The following PCBP3 variants were observed in gnomAD, a reference collection of about 807,000 sequenced individuals.
The protein encoded by PCBP3 is poly(rC)-binding protein 3.
A neutral mutation model predicts 52.7 loss-of-function variants in PCBP3; 25 were observed. The observed-to-expected ratio is 0.47, with a 90% CI of 0.35 to 0.66. The LOEUF (loss-of-function observed/expected upper bound fraction) is 0.66. Ranked by LOEUF, PCBP3 falls within the 30% of genes least tolerant of loss-of-function variation. The probability of loss-of-function intolerance (pLI) is 0.01; values close to 1 mark genes in which losing one functional copy is unlikely to be tolerated. For missense variants in PCBP3, 391 were observed against 490.3 expected (o/e 0.80, Z 1.91); for synonymous variants, 162 against 183.0 (o/e 0.89, Z 0.93).
At chr21:45,818,116 G>C (rs1165372435) in intron 4 of PCBP3, among the ~76,000 whole-genome samples, 1 of 152,046 alleles carries the variant, frequency 6.6e-6, no homozygotes, top group Non-Finnish European at 1.5e-5. Flanking sequence ...TCCACCTCCC[G>C]GGTTCACACC....
intron 4 of PCBP3, among the ~76,000 whole-genome samples, chr21:45,770,762 A>C (rs2089799994): frequency 6.6e-6 from 1 of 152,188 alleles, no homozygotes; most frequent in South Asian, 2.1e-4. Flanking sequence ...GGGGTGCTGA[A>C]AGGGGGCTTG....
intron 5 of PCBP3, among the ~76,000 whole-genome samples, chr21:45,873,786 G>A (rs763523877): frequency 2.0e-5 from 3 of 152,278 alleles, no homozygotes; most frequent in African/African-American, 4.8e-5. Flanking sequence ...TGTTGTTGTC[G>A]TTGGGTTTTC....
At chr21:45,719,702 C>G (rs999160603) in intron 2 of PCBP3, among the ~76,000 whole-genome samples, 6 of 152,144 alleles carry the variant, frequency 3.9e-5, no homozygotes, top group African/African-American at 1.2e-4. Context: ...TTTCCTGAGG[C>G]CTCCCCAGCA....
intron 1 of PCBP3, among the ~76,000 whole-genome samples, chr21:45,663,441 AG>A (rs1176383703): frequency 3.3e-5 from 5 of 152,062 alleles, no homozygotes; most frequent in African/African-American, 1.2e-4. Flanking sequence ...CTCTGTGCAT[AG>A]GGAGGAAAAC....
chr21:45,880,184 GT>G lies in PCBP3; in HGVS notation c.11-16023del. ...TTCCTCTGGCCTCTTCTGGGAGCTG[GT>G]GGATTTGCAAGTCACGGCCAGCCTT... On this transcript the variant is annotated intron_variant, in intron 5 of 17. Coordinates refer to ENST00000681687, the MANE Select transcript of PCBP3 (RefSeq NM_001384156.1). The surrounding 1 kb of genome is among the most constrained non-coding windows in gnomAD (Gnocchi z 5.4). Among the ~76,000 whole-genome samples the G allele has an allele frequency of 6.6e-6, 1 of 152,316 alleles. No individual in the cohort carries two copies. The highest frequency in any genetic ancestry group is 1.5e-5 in the Non-Finnish European group (1 of 68,032).
intron 4 of PCBP3, among the ~76,000 whole-genome samples, chr21:45,779,862 T>C (rs1200168252): frequency 6.6e-6 from 1 of 152,204 alleles, no homozygotes; most frequent in African/African-American, 2.4e-5. Flanking sequence ...AGTACTTGGT[T>C]TTATGACTTA....
chr21:45,654,421 G>A (rs1390849923), intron 1 of PCBP3, among the ~76,000 whole-genome samples: 1 of 144,940 alleles, frequency 6.9e-6, no homozygotes, highest in Non-Finnish European at 1.5e-5. Flanking sequence ...GCTCACTGCA[G>A]CCTCCACCTC....
rs760049803 is a variant in PCBP3 at position 45,737,736 on chromosome 21, G to T, written c.-162+2307G>T. On this transcript the variant is annotated intron_variant, in intron 3 of 17. Transcript: ENST00000681687. The surrounding 1 kb of genome is among the most constrained non-coding windows in gnomAD (Gnocchi z 4.9). ...CAGGGAACTTTTATAGGTACCTGTGGCCTCTTCTGCTGGTGGGAATGGAGG... is the reference window on the plus strand; with the variant it reads ...CAGGGAACTTTTATAGGTACCTGTGTCCTCTTCTGCTGGTGGGAATGGAGG... Among the ~76,000 whole-genome samples the T allele has an allele frequency of 3.3e-5, 5 of 152,272 alleles. No homozygotes were observed. The highest frequency in any genetic ancestry group is 9.6e-5 in the African/African-American group (4 of 41,558).
chr21:45,894,013 G>C, intron 5 of PCBP3: 1 of 985,578 alleles, frequency 1.0e-6, no homozygotes, highest in Non-Finnish European at 1.2e-6. Flanking sequence ...AGACGGCATG[G>C]ACGGGTAGGT....
At chr21:45,785,753 G>T (rs2091099207) in intron 4 of PCBP3, among the ~76,000 whole-genome samples, 1 of 151,558 alleles carries the variant, frequency 6.6e-6, no homozygotes, top group African/African-American at 2.4e-5. Flanking sequence ...GTAGAAAGAG[G>T]TAGACATGGG....
intron 17 of PCBP3, 127 bp from the exon 18 acceptor site, chr21:45,941,543 C>G (rs2149626500): frequency 1.4e-5 from 11 of 770,110 alleles, no homozygotes; most frequent in Non-Finnish European, 2.3e-5. Flanking sequence ...AGCTCAGGAC[C>G]TCCTGAGCTG....
chr21:45,787,594 A>T (rs2146282013), intron 4 of PCBP3, among the ~76,000 whole-genome samples: 1 of 152,068 alleles, frequency 6.6e-6, no homozygotes, highest in Middle Eastern at 3.4e-3. Context: ...TTGCTGCCTA[A>T]ATTATATGGT....
At chr21:45,659,399 T>C (rs1401396904) in intron 1 of PCBP3, among the ~76,000 whole-genome samples, 6 of 145,724 alleles carry the variant, frequency 4.1e-5, no homozygotes, top group Non-Finnish European at 7.5e-5. Context: ...CTAAAGTGCA[T>C]TGGTGCCATC....
rs992738574 is a variant in PCBP3, at chr21:45,837,083, A to G, written c.-125-12878A>G. Reference sequence around the variant, plus strand: ...TGCATCATAAAGTCTGTGAAAGGTGAACTTTCAGGAACTTTCAGGACCATG... The same window carrying G: ...TGCATCATAAAGTCTGTGAAAGGTGGACTTTCAGGAACTTTCAGGACCATG... On this transcript the variant is annotated intron_variant, in intron 4 of 17. Transcript: ENST00000681687. This position sits in a 1 kb window ranked among gnomAD's most constrained non-coding sequence, Gnocchi z 4.1. Among the ~76,000 whole-genome samples the G allele has an allele frequency of 2.0e-5, 3 of 152,206 alleles. No individual in the cohort carries two copies. Among genetic ancestry groups the G allele is most frequent in the Non-Finnish European group, 2.9e-5 (2 of 68,038 alleles).
At chr21:45,909,528 G>C (rs752573767) in intron 10 of PCBP3, 42 bp downstream of exon 10, 2 of 1,598,004 alleles carry the variant, frequency 1.3e-6, no homozygotes, top group Non-Finnish European at 1.7e-6. Flanking sequence ...GGAGCCTCTA[G>C]GCGGGCTGCG....
At chr21:45,876,134 G>T (rs1383455741) in intron 5 of PCBP3, among the ~76,000 whole-genome samples, 3 of 152,204 alleles carry the variant, frequency 2.0e-5, no homozygotes, top group Non-Finnish European at 4.4e-5. Flanking sequence ...GGCACCGATG[G>T]AGCGGTCAGG....
At chr21:45,835,732 G>A (rs1172058414) in intron 4 of PCBP3, among the ~76,000 whole-genome samples, 2 of 152,162 alleles carry the variant, frequency 1.3e-5, no homozygotes, top group Non-Finnish European at 2.9e-5. Context: ...TAGCAGATCA[G>A]CTTCTCCTGA....
intron 9 of PCBP3, among the ~76,000 whole-genome samples, 166 bp from the exon 10 acceptor site, chr21:45,909,189 C>A (rs112116908): frequency 6.6e-6 from 1 of 152,058 alleles, no homozygotes; most frequent in African/African-American, 2.4e-5. Flanking sequence ...ATTTCAGCGA[C>A]GTCTCCTGGT....
intron 2 of PCBP3, among the ~76,000 whole-genome samples, chr21:45,725,976 G>A (rs775086505): frequency 4.6e-5 from 7 of 152,166 alleles, no homozygotes; most frequent in Non-Finnish European, 1.0e-4. Context: ...GGACAGCATG[G>A]CCCCAGGCCC....
Sources: allele counts gnomAD v4.1 joint callset (sites outside exome capture counted in the v4.1 genomes callset), GRCh38; gene constraint gnomAD v4.1.1; non-coding constraint Gnocchi (gnomAD v3.1); transcripts MANE v1.5; gene names NCBI Gene and HGNC (gene_info 2026-07-23, HGNC 2026-07-21).